Variants in GALNT13 observed in about 807,000 individuals in gnomAD.
The protein encoded by GALNT13 is polypeptide N-acetylgalactosaminyltransferase 13.
In GALNT13, 28 loss-of-function variants were observed where a neutral mutation model predicts 64.2. The observed-to-expected ratio is 0.44, with a 90% CI of 0.32 to 0.60. The LOEUF (loss-of-function observed/expected upper bound fraction) is 0.60. Among genes scored for constraint, GALNT13 ranks in the 20% least tolerant of loss-of-function variants. GALNT13 has a pLI of 0.05. For missense variants in GALNT13, 577 were observed against 669.8 expected (o/e 0.86, Z 1.53); for synonymous variants, 214 against 224.6 (o/e 0.95, Z 0.42).
At chr2:153,496,926 G>A in the GALNT13 span, among the ~76,000 whole-genome samples, 5 of 150,436 alleles carry the variant, frequency 3.3e-5, no homozygotes, top group Non-Finnish European at 7.4e-5. Flanking sequence ...CCCCAGAGGC[G>A]GAAGTTGCAG....
At chr2:153,247,626 T>C in the GALNT13 span, among the ~76,000 whole-genome samples, 5 of 152,102 alleles carry the variant, frequency 3.3e-5, no homozygotes, top group South Asian at 2.1e-4. Context: ...AAGATCTCAG[T>C]TGACACCCTA....
At chr2:154,388,268 CTTGT>C (rs1698609265) in intron 9 of GALNT13, among the ~76,000 whole-genome samples, 1 of 152,074 alleles carries the variant, frequency 6.6e-6, no homozygotes, top group Non-Finnish European at 1.5e-5. Flanking sequence ...CAGGTGTTCT[CTTGT>C]TTTTGAGTTG....
At chr2:154,073,400 A>G (rs1244923673) in intron 3 of GALNT13, among the ~76,000 whole-genome samples, 1 of 152,004 alleles carries the variant, frequency 6.6e-6, no homozygotes, top group African/African-American at 2.4e-5. Flanking sequence ...AAAACAAGTA[A>G]CTATTTATTG....
At chr2:153,775,047 A>G in the GALNT13 span, among the ~76,000 whole-genome samples, 1 of 152,198 alleles carries the variant, frequency 6.6e-6, no homozygotes, top group Non-Finnish European at 1.5e-5. Flanking sequence ...AATTTTTCTG[A>G]TGCTTTATTA....
At chr2:154,292,721 G>T (rs894645465) in intron 8 of GALNT13, among the ~76,000 whole-genome samples, 14 of 152,270 alleles carry the variant, frequency 9.2e-5, no homozygotes, top group Non-Finnish European at 1.9e-4. Flanking sequence ...ATGACTTCGT[G>T]CCAGAGGTAG....
chr2:154,270,077 T>C (rs911067834), intron 8 of GALNT13, among the ~76,000 whole-genome samples: 1 of 150,986 alleles, frequency 6.6e-6, no homozygotes, highest in Non-Finnish European at 1.5e-5. Context: ...TAGAAAAAAA[T>C]AAGTGAACAA....
intron 10 of GALNT13, among the ~76,000 whole-genome samples, chr2:154,403,127 A>G (rs1385463614): frequency 6.6e-6 from 1 of 152,138 alleles, no homozygotes; most frequent in Non-Finnish European, 1.5e-5. Context: ...CTTTAAAAAA[A>G]ATCTGAATAT....
At chr2:154,200,030 T>C (rs1687088583) in intron 4 of GALNT13, among the ~76,000 whole-genome samples, 1 of 151,978 alleles carries the variant, frequency 6.6e-6, no homozygotes, top group African/African-American at 2.4e-5. Flanking sequence ...ATAAGTAAAA[T>C]AACTTCCACT....
the GALNT13 span, among the ~76,000 whole-genome samples, chr2:153,689,098 G>GTGTGTC: frequency 6.7e-6 from 1 of 149,246 alleles, no homozygotes; most frequent in Non-Finnish European, 1.5e-5. Context: ...GTGTGTGTGT[G>GTGTGTC]TGTTTAGCGT....
chr2:153,966,219 CTTTTTTTTTT>C (rs761961683), intron 3 of GALNT13, among the ~76,000 whole-genome samples: 1 of 120,116 alleles, frequency 8.3e-6, no homozygotes, highest in Non-Finnish European at 1.7e-5. Context: ...GGTTGGATTT[CTTTTTTTTTT>C]TTTTTTTTTT....
chr2:154,300,354 C>T (rs1280064942), intron 8 of GALNT13, among the ~76,000 whole-genome samples: 1 of 151,920 alleles, frequency 6.6e-6, no homozygotes, highest in Non-Finnish European at 1.5e-5. Flanking sequence ...CTGCCCACCT[C>T]GGCCTCCCAA....
chr2:153,628,252 C>T, the GALNT13 span, among the ~76,000 whole-genome samples: 1 of 151,646 alleles, frequency 6.6e-6, no homozygotes, highest in Non-Finnish European at 1.5e-5. Flanking sequence ...TGGGCTGAGA[C>T]AATGGGGTTT....
At chr2:153,619,083 T>C in the GALNT13 span, among the ~76,000 whole-genome samples, 1 of 152,036 alleles carries the variant, frequency 6.6e-6, no homozygotes, top group South Asian at 2.1e-4. Flanking sequence ...GGTTGTTTTG[T>C]GGACTGCTCT....
chr2:153,855,312 C>A, the GALNT13 span, among the ~76,000 whole-genome samples: 1 of 151,952 alleles, frequency 6.6e-6, no homozygotes, highest in African/African-American at 2.4e-5. Context: ...TAAATGGACA[C>A]CTAATGCATT....
the GALNT13 span, among the ~76,000 whole-genome samples, chr2:153,445,713 AT>A: frequency 1.3e-5 from 2 of 152,192 alleles, no homozygotes; most frequent in African/African-American, 4.8e-5. Context: ...TCATTTAAAA[AT>A]AATCTCTGTT....
At chr2:154,359,573 C>G (rs1010075831) in intron 9 of GALNT13, among the ~76,000 whole-genome samples, 5 of 152,140 alleles carry the variant, frequency 3.3e-5, no homozygotes, top group Non-Finnish European at 7.4e-5. Context: ...CTCTTACCTT[C>G]CTGGTAAAAT....
At chr2:153,356,855 T>A in the GALNT13 span, among the ~76,000 whole-genome samples, 2 of 144,132 alleles carry the variant, frequency 1.4e-5, no homozygotes, top group South Asian at 2.3e-4. Flanking sequence ...TGGAGTGCAG[T>A]GGTGTGATCT....
the GALNT13 span, among the ~76,000 whole-genome samples, chr2:153,475,394 C>A: frequency 0.031 from 4,782 of 152,216 alleles, 100 homozygotes; most frequent in Middle Eastern, 0.071. Context: ...GTTTCATGCA[C>A]AATTTCTGGG....
At chr2:153,269,268 GA>G in the GALNT13 span, among the ~76,000 whole-genome samples, 1 of 152,166 alleles carries the variant, frequency 6.6e-6, no homozygotes, top group Non-Finnish European at 1.5e-5. Flanking sequence ...GTAACCTCTT[GA>G]ATGCTTTGCT....
Sources: gnomAD v4.1 joint callset for allele counts (sites outside exome capture counted in the v4.1 genomes callset) on GRCh38, gnomAD v4.1.1 for gene constraint, MANE v1.5 for transcripts, NCBI Gene and HGNC (gene_info 2026-07-23, HGNC 2026-07-21) for gene names.